The following AHSA1 variants were observed in gnomAD, a reference collection of about 807,000 sequenced individuals.
The protein encoded by AHSA1 is activator of HSP90 ATPase activity 1, also known as activator of 90 kDa heat shock protein ATPase homolog 1.
In AHSA1, 14 loss-of-function variants were observed where a neutral mutation model predicts 46.1. The ratio of observed to expected loss-of-function variants is 0.30; its 90% CI spans 0.20 to 0.47. The LOEUF (loss-of-function observed/expected upper bound fraction) is 0.47. AHSA1 is among the 20% of genes least tolerant of loss of function. The probability of loss-of-function intolerance (pLI) is 0.99; values close to 1 mark genes in which losing one functional copy is unlikely to be tolerated. For synonymous variants in AHSA1, 147 were observed against 145.8 expected (o/e 1.01, Z -0.06); for missense variants, 333 against 415.9 (o/e 0.80, Z 1.73).
In AHSA1 at chr14:77,469,081, CT is replaced by C. The variant is rs761408208; in HGVS notation, c.852del (p.Phe284LeufsTer6). 6.2e-7 allele frequency: 1 copy of C among 1,614,076 alleles called. No individual in the cohort carries two copies. On this transcript the variant is annotated frameshift_variant, in exon 9 of 9. Transcript: ENST00000216479. LOFTEE classifies it high-confidence loss of function. ...CGTCCCCTCTGCCTTTCCCAGGACA[CT>C]TTGCCACCATCACCTTGACCTTCAT... ...WRFKSWPEGH[F>X]ATITLTFIDK... is the part of the protein sequence containing the mutation.
At chr14:77,463,711 T>A (rs1363083455) in intron 4 of AHSA1, among the ~76,000 whole-genome samples, 1 of 152,222 alleles carries the variant, frequency 6.6e-6, no homozygotes, top group Non-Finnish European at 1.5e-5. Flanking sequence ...CTATCTTTGA[T>A]ATGCACTCTC....
Position 77,468,511 on chromosome 14 carries a change from A to AAGT in AHSA1, c.844+5_844+7dup. ...GAGGTTTAAATCTTGGCCAGAGGGTAAGTAAACATATTTATTGCCATTACC... is the reference window on the plus strand; with the variant it reads ...GAGGTTTAAATCTTGGCCAGAGGGTAAGTAGTAAACATATTTATTGCCATTACC... On this transcript the variant is annotated splice_donor_region_variant and intron_variant, in intron 8 of 8. Coordinates refer to ENST00000216479, the MANE Select transcript of AHSA1 (RefSeq NM_012111.3). 6.2e-7 allele frequency: 1 copy of AAGT among 1,611,550 alleles called. No homozygotes were observed. Among genetic ancestry groups the AAGT allele is most frequent in the Non-Finnish European group, 8.5e-7 (1 of 1,178,386 alleles).
intron 1 of AHSA1, 57 bp downstream of exon 1, chr14:77,458,326 A>G: frequency 6.6e-7 from 1 of 1,521,718 alleles, no homozygotes; most frequent in Non-Finnish European, 8.9e-7. Flanking sequence ...CCAGGGTTTC[A>G]GGGTTCCTAG....
At position 77,458,151 on chromosome 14, in the gene AHSA1, G is replaced by C. The variant is rs2078994852; in HGVS notation, c.-39G>C. 1 of 1,505,930 alleles carries C rather than the reference G, an allele frequency of 6.6e-7. No individual in the cohort carries two copies. The highest frequency in any genetic ancestry group is 8.9e-7 in the Non-Finnish European group (1 of 1,128,448). 93.3% of individuals were successfully genotyped at this position (1,505,930 alleles called of 1,614,324 possible). ...TAAGCGGTCCTGAGGCTGTGGCTAC[G>C]GCTGCTCCGGAGCTGGTGGCGCCGC... On this transcript the variant is annotated 5_prime_UTR_variant, in exon 1 of 9. Coordinates refer to ENST00000216479, the MANE Select transcript of AHSA1 (RefSeq NM_012111.3).
rs141659647 is a variant in AHSA1 at position 77,469,235 on chromosome 14, G to A, written c.1003G>A (p.Ala335Thr). ...EGIKQTFGYGARLF is the reference protein window; with the variant it reads ...EGIKQTFGYGTRLF ...CATTAAACAGACCTTTGGCTATGGC[G>A]CACGCTTATTTTAGGGCCAGCGGCA... The change falls in exon 9 of 9, where the codon GCA becomes ACA. Residue 335 changes from alanine (A) to threonine (T), a missense_variant. Transcript: ENST00000216479. The A allele has an allele frequency of 3.9e-5, 63 of 1,613,702 alleles. No individual in the cohort carries two copies. Among genetic ancestry groups the A allele is most frequent in the South Asian group, 1.8e-4 (16 of 91,070 alleles).
chr14:77,461,044 A>C (rs1010376767), intron 2 of AHSA1, among the ~76,000 whole-genome samples: 3 of 151,984 alleles, frequency 2.0e-5, no homozygotes, highest in Non-Finnish European at 4.4e-5. Context: ...CTGTAGTCCC[A>C]GCTACTCGGG....
chr14:77,468,721 CTTTTTTT>C (rs572116649), intron 8 of AHSA1: 96 of 224,356 alleles, frequency 4.3e-4, no homozygotes, highest in African/African-American at 1.1e-3. Context: ...ACCATGCCAG[CTTTTTTT>C]TTTTTTTTTT....
At chr14:77,458,452 AG>A (rs572687136) in intron 1 of AHSA1, among the ~76,000 whole-genome samples, 183 bp downstream of exon 1, 104 of 152,188 alleles carry the variant, frequency 6.8e-4, no homozygotes, top group African/African-American at 2.4e-3. Flanking sequence ...TCACCTTCTC[AG>A]TGTTTGAGGG....
At chr14:77,458,076 T>A (rs2078993318), upstream of AHSA1, 1 of 877,686 alleles carries the variant, frequency 1.1e-6, no homozygotes, top group African/African-American at 1.8e-5. Context: ...AGCCAGGAGG[T>A]GCTTGCGGCC....
chr14:77,469,112 A>C lies in AHSA1; in HGVS notation c.880A>C (p.Lys294Gln). ...FATITLTFID[K>Q]NGETELCMEG... Reference sequence around the variant, plus strand: ...CACCATCACCTTGACCTTCATCGACAAGAACGGAGAGACTGAGCTGTGCAT... The same window carrying C: ...CACCATCACCTTGACCTTCATCGACCAGAACGGAGAGACTGAGCTGTGCAT... The change falls in exon 9 of 9, where the codon AAG becomes CAG. Residue 294 changes from lysine to glutamine, a missense_variant. By Grantham distance (53) the Lys-to-Gln change is moderately conservative (BLOSUM62 1). Coordinates refer to ENST00000216479, the MANE Select transcript of AHSA1 (RefSeq NM_012111.3). 6.2e-7 allele frequency: 1 copy of C among 1,614,116 alleles called. No homozygotes were observed. The highest frequency in any genetic ancestry group is 8.5e-7 in the Non-Finnish European group (1 of 1,180,016).
At position 77,462,747 on chromosome 14, in the gene AHSA1, A is replaced by G. The variant is rs2079031197; in HGVS notation, c.460A>G (p.Thr154Ala). 6.2e-7 allele frequency: 1 copy of G among 1,613,910 alleles called. No homozygotes were observed. Among genetic ancestry groups the G allele is most frequent in the Non-Finnish European group, 8.5e-7 (1 of 1,179,810 alleles). ...LREAMGIYISTLKTEFTQGMI... is the reference protein window; with the variant it reads ...LREAMGIYISALKTEFTQGMI... ...AGAAGCAATGGGAATTTACATCAGC[A>G]CCCTCAAAACAGGTATCCCTTGAGT... Residue 154 changes from threonine (T) to alanine (A), a missense_variant, in exon 4 of 9, where the codon ACC (threonine) becomes GCC (alanine). Thr to Ala is a moderately conservative substitution (Grantham distance 58). Coordinates refer to ENST00000216479, the MANE Select transcript of AHSA1 (RefSeq NM_012111.3).
intron 6 of AHSA1, among the ~76,000 whole-genome samples, chr14:77,466,661 A>T (rs556294608): frequency 6.6e-6 from 1 of 152,248 alleles, no homozygotes. Flanking sequence ...AGAACTGGAG[A>T]AGCAATTAAA....
chr14:77,460,955 C>T (rs1242146967), intron 2 of AHSA1, among the ~76,000 whole-genome samples: 2 of 149,324 alleles, frequency 1.3e-5, no homozygotes, highest in East Asian at 2.0e-4. Context: ...GTCAGGAGAT[C>T]AAGACCATCC....
At position 77,458,159 on chromosome 14, in the gene AHSA1, CGGAGCTGGTGGCGCCGCGATA is replaced by C; in HGVS notation, c.-26_-6del. The stretch of plus-strand genomic sequence containing the variant: ...CCTGAGGCTGTGGCTACGGCTGCTC[CGGAGCTGGTGGCGCCGCGATA>C]GGAGAGCCGATGGCCAAGTGGGGTG... On this transcript the variant is annotated 5_prime_UTR_variant, in exon 1 of 9. Transcript: ENST00000216479. 6.6e-7 allele frequency: 1 copy of C among 1,510,638 alleles called. No homozygotes were observed. The highest frequency in any genetic ancestry group is 8.8e-7 in the Non-Finnish European group (1 of 1,131,448). 93.6% of individuals were successfully genotyped at this position (1,510,638 alleles called of 1,614,324 possible).
At chr14:77,468,042 CT>C in intron 6 of AHSA1, 40 bp from the exon 7 acceptor site, 1 of 1,292,750 alleles carries the variant, frequency 7.7e-7, no homozygotes, top group Admixed American at 2.7e-5. Flanking sequence ...AGCCATGTAT[CT>C]TCTGCCTCTT....
rs1173808882 is a variant in AHSA1, at chr14:77,462,778, T to C, written c.472+19T>C. The C allele has an allele frequency of 1.2e-6, 2 of 1,601,286 alleles. No homozygotes were observed. The highest frequency in any genetic ancestry group is 2.2e-5 in the East Asian group (1 of 44,822). ...AAAACAGGTATCCCTTGAGTAGTTCTGTATGCCTTAAGGAGGTAGTTTCCA... is the reference window on the plus strand; with the variant it reads ...AAAACAGGTATCCCTTGAGTAGTTCCGTATGCCTTAAGGAGGTAGTTTCCA... On this transcript the variant is annotated intron_variant, in intron 4 of 8. Coordinates refer to ENST00000216479, the MANE Select transcript of AHSA1 (RefSeq NM_012111.3).
chr14:77,462,268 G>A lies in AHSA1; in HGVS notation c.354+26G>A, dbSNP rs1566746833. The A allele has an allele frequency of 1.0e-5, 16 of 1,586,390 alleles. No individual in the cohort carries two copies. In the South Asian group the frequency reaches 1.3e-4, roughly 13 times the overall value. On this transcript the variant is annotated intron_variant, in intron 3 of 8. Transcript: ENST00000216479. ...GTTTGTGCTTCATAACTCCTAATCC[G>A]AGTCCTCTATATCCTCTTATTCTCA...
chr14:77,468,065 T>C lies in AHSA1; in HGVS notation c.691-18T>C. 1 of 1,359,068 alleles carries C rather than the reference T, an allele frequency of 7.4e-7. No homozygotes were observed. The highest frequency in any genetic ancestry group is 1.6e-5 in the South Asian group (1 of 63,196). The allele number at this position is 1,359,068 out of a possible 1,614,324, so 84.2% of individuals were successfully genotyped here. ...ATCTTCTGCCTCTTTTTTTTTTTTT[T>C]TTTTTTTTTCCCTGCAGCTGGTGCA... On this transcript the variant is annotated intron_variant, in intron 6 of 8. Transcript: ENST00000216479.
rs754103577 is a variant in AHSA1, at chr14:77,469,181, C to G, written c.949C>G (p.Gln317Glu). 3.1e-6 allele frequency: 5 copies of G among 1,613,976 alleles called. No individual in the cohort carries two copies. Among genetic ancestry groups the G allele is most frequent in the Non-Finnish European group, 4.2e-6 (5 of 1,179,992 alleles). The change falls in exon 9 of 9, where the codon CAG (glutamine) becomes GAG (glutamate). Residue 317 changes from glutamine to glutamate, a missense_variant. Physicochemically the swap from Gln to Glu is conservative, Grantham distance 29. Coordinates refer to ENST00000216479, the MANE Select transcript of AHSA1 (RefSeq NM_012111.3). ...IPAPEEERTR[Q>E]GWQRYYFEGI... is the part of the protein sequence containing the mutation. ...TGCTCCTGAGGAAGAGCGGACGCGA[C>G]AGGGCTGGCAGCGGTACTACTTTGA...
Sources: allele counts gnomAD v4.1 joint callset (sites outside exome capture counted in the v4.1 genomes callset), GRCh38; gene constraint gnomAD v4.1.1; transcripts MANE v1.5; gene names NCBI Gene and HGNC (gene_info 2026-07-23, HGNC 2026-07-21).